The following CCDC93 variants were observed in gnomAD, a reference collection of about 807,000 sequenced individuals.
The protein encoded by CCDC93 is CCC complex scaffolding subunit CCDC93.
CCDC93 carries 61 observed loss-of-function variants against 108.2 expected under a neutral mutation model. The observed-to-expected ratio is 0.56, with a 90% CI of 0.46 to 0.70. The LOEUF is 0.70. CCDC93 is among the 30% of genes least tolerant of loss of function. CCDC93 has a pLI of 0.00. For missense variants in CCDC93, 685 were observed against 764.2 expected, an observed-to-expected ratio of 0.90 and a Z score of 1.22; for synonymous variants, 276 against 260.4, an observed-to-expected ratio of 1.06 and a Z score of -0.58.
chr2:117,928,774 G>A (rs971744838), intron 23 of CCDC93, among the ~76,000 whole-genome samples: 33 of 152,148 alleles, frequency 2.2e-4, no homozygotes, highest in African/African-American at 7.7e-4. Flanking sequence ...ATACCCAAAG[G>A]ATTATAAATC....
rs1047765415 is a variant in CCDC93, at chr2:117,936,710, G to A, written c.1635C>T (p.Asn545=). The A allele has an allele frequency of 1.9e-6, 3 of 1,613,336 alleles. No individual in the cohort carries two copies. Among genetic ancestry groups the A allele is most frequent in the Non-Finnish European group, 2.5e-6 (3 of 1,179,266 alleles). The part of the protein sequence containing the change: ...EISLLNSIHE[N]FSQAMASPAA... The stretch of plus-strand genomic sequence containing the variant: ...GGACTGACAGTACTTACTGTGAGAA[G>A]TTCTCATGAATTGAGTTCAGCAGAC... The change falls in exon 21 of 24, where the codon AAC becomes AAT. Residue 545 remains asparagine (N), a synonymous_variant. Transcript: ENST00000376300.
intron 1 of CCDC93, among the ~76,000 whole-genome samples, chr2:118,010,755 T>TTC (rs1677001862): frequency 6.6e-6 from 1 of 152,152 alleles, no homozygotes; most frequent in Non-Finnish European, 1.5e-5. Context: ...GCCACCAAAC[T>TTC]ATCTTTTCAG....
chr2:117,987,642 G>A (rs1680359484), intron 6 of CCDC93, among the ~76,000 whole-genome samples: 1 of 152,174 alleles, frequency 6.6e-6, no homozygotes, highest in Admixed American at 6.5e-5. Flanking sequence ...TGTACTAACA[G>A]ATCTTGAAGG....
chr2:117,966,052 T>C (rs1679558903), intron 11 of CCDC93, among the ~76,000 whole-genome samples: 1 of 152,180 alleles, frequency 6.6e-6, no homozygotes, highest in African/African-American at 2.4e-5. Flanking sequence ...TAACAATTGA[T>C]TCTTTTGGGT....
chr2:117,972,503 CT>C, intron 11 of CCDC93, among the ~76,000 whole-genome samples: 1 of 152,310 alleles, frequency 6.6e-6, no homozygotes, highest in Admixed American at 6.5e-5. Context: ...GAGAGATGCA[CT>C]GCCAACCACA....
chr2:118,013,566 T>A (rs1480031113), intron 1 of CCDC93, among the ~76,000 whole-genome samples: 1 of 152,176 alleles, frequency 6.6e-6, no homozygotes, highest in Non-Finnish European at 1.5e-5. Flanking sequence ...GTCTCGTGAC[T>A]CCAGCGCCCA....
At chr2:117,930,391 C>T (rs549467217) in intron 23 of CCDC93, among the ~76,000 whole-genome samples, 1 of 152,296 alleles carries the variant, frequency 6.6e-6, no homozygotes, top group African/African-American at 2.4e-5. Flanking sequence ...AGGGCAGGCA[C>T]TTTTCTTTCT....
At chr2:118,012,369 T>G (rs1677043345) in intron 1 of CCDC93, 1 of 152,220 alleles carries the variant, frequency 6.6e-6, no homozygotes, top group African/African-American at 2.4e-5. Flanking sequence ...GCTTCTGAAC[T>G]AAATGATGAT....
At chr2:117,930,470 T>C (rs970487475) in intron 23 of CCDC93, among the ~76,000 whole-genome samples, 3 of 152,088 alleles carry the variant, frequency 2.0e-5, no homozygotes, top group Non-Finnish European at 4.4e-5. Flanking sequence ...CAGTTGAGTG[T>C]TGGGTGTTAG....
In CCDC93 at chr2:117,929,884, C is replaced by G. The variant is rs3771934; in HGVS notation, c.1842+1153G>C. Among the ~76,000 whole-genome samples, 7 of 152,328 alleles carry G rather than the reference C, an allele frequency of 4.6e-5. No homozygotes were observed. The East Asian group carries it at 1.2e-3, about 25-fold the overall frequency. ...AGAGGGCCCTCCTAGACCACACTAC[C>G]TAAACCAGTCTCCTCACATGGCAAA... On this transcript the variant is annotated intron_variant, in intron 23 of 23. Coordinates refer to ENST00000376300, the MANE Select transcript of CCDC93 (RefSeq NM_019044.5).
intron 11 of CCDC93, among the ~76,000 whole-genome samples, chr2:117,961,732 T>C (rs1177692530): frequency 6.6e-6 from 1 of 152,178 alleles, no homozygotes; most frequent in Non-Finnish European, 1.5e-5. Context: ...AAGGTGGATT[T>C]TGAATGATGA....
At chr2:117,975,704 C>G (rs1201586518) in intron 8 of CCDC93, among the ~76,000 whole-genome samples, 2 of 152,208 alleles carry the variant, frequency 1.3e-5, no homozygotes, top group African/African-American at 4.8e-5. Context: ...CACAACAGAA[C>G]ATGCCAGAGT....
At chr2:117,981,181 G>A (rs886803895) in intron 7 of CCDC93, among the ~76,000 whole-genome samples, 2 of 152,116 alleles carry the variant, frequency 1.3e-5, no homozygotes, top group African/African-American at 2.4e-5. Context: ...CATATTTACA[G>A]TGCTACTATA....
Position 117,919,002 on chromosome 2 carries a change from T to G in CCDC93, c.*1341A>C, listed in dbSNP as rs1361218009. 6.6e-6 allele frequency: 1 copy of G among 152,232 alleles called. No individual in the cohort carries two copies. Among genetic ancestry groups the G allele is most frequent in the Non-Finnish European group, 1.5e-5 (1 of 68,052 alleles). 9.4% of individuals were successfully genotyped at this position (152,232 alleles called of 1,614,324 possible). The stretch of plus-strand genomic sequence containing the variant: ...GAATGCCCCACTTGCTTGACATGTT[T>G]AAGCTTTTGTGTTACTGTGCAAACC... On this transcript the variant is annotated 3_prime_UTR_variant, in exon 24 of 24. Transcript: ENST00000376300.
intron 8 of CCDC93, among the ~76,000 whole-genome samples, chr2:117,975,569 C>T (rs1446385720): frequency 3.3e-5 from 5 of 152,188 alleles, no homozygotes; most frequent in African/African-American, 1.2e-4. Flanking sequence ...TGGGGCTTCC[C>T]CCTACTTTAA....
At chr2:117,926,277 A>G (rs1286579050) in intron 23 of CCDC93, among the ~76,000 whole-genome samples, 1 of 152,212 alleles carries the variant, frequency 6.6e-6, no homozygotes, top group African/African-American at 2.4e-5. Flanking sequence ...TCAGAGCAGA[A>G]CTGAAGGAAA....
At chr2:117,983,630 T>TTTTATATA (rs1262707425) in intron 7 of CCDC93, among the ~76,000 whole-genome samples, 14 of 98,564 alleles carry the variant, frequency 1.4e-4, no homozygotes, top group African/African-American at 4.2e-4. Flanking sequence ...CTGCTCAAAA[T>TTTTATATA]TATATATATA....
chr2:117,991,556 T>C (rs1246640028), intron 6 of CCDC93, among the ~76,000 whole-genome samples: 1 of 152,210 alleles, frequency 6.6e-6, no homozygotes, highest in Non-Finnish European at 1.5e-5. Context: ...TCAACCTTTC[T>C]AAGCTTCAAT....
intron 23 of CCDC93, among the ~76,000 whole-genome samples, chr2:117,925,544 A>G (rs1437111104): frequency 4.6e-5 from 7 of 152,216 alleles, no homozygotes; most frequent in Admixed American, 3.9e-4. Context: ...CATAATGGTA[A>G]AGGGATCAAT....
Sources: allele counts gnomAD v4.1 joint callset (sites outside exome capture counted in the v4.1 genomes callset), GRCh38; gene constraint gnomAD v4.1.1; transcripts MANE v1.5; gene names NCBI Gene and HGNC (gene_info 2026-07-23, HGNC 2026-07-21).